Variants in TMEM70 observed in about 807,000 individuals in gnomAD.
TMEM70 encodes transmembrane protein 70.
TMEM70 carries 15 observed loss-of-function variants against 20.5 expected under a neutral mutation model. The observed-to-expected ratio is 0.73, with a 90% confidence interval of 0.49 to 1.13. TMEM70 has a LOEUF of 1.13. Ranked by LOEUF, TMEM70 falls within the 50% of genes most tolerant of loss-of-function variation. TMEM70 has a pLI of 0.00. For synonymous variants in TMEM70, 141 were observed against 134.2 expected, an observed-to-expected ratio of 1.05 and a Z score of -0.35; for missense variants, 344 against 331.7, an observed-to-expected ratio of 1.04 and a Z score of -0.29.
At chr8:73,977,601 T>G (rs1450879084) in intron 1 of TMEM70, among the ~76,000 whole-genome samples, 1 of 152,220 alleles carries the variant, frequency 6.6e-6, no homozygotes, top group African/African-American at 2.4e-5. Context: ...TTAGCAGTAT[T>G]TGTAAAAGGC....
intron 1 of TMEM70, among the ~76,000 whole-genome samples, chr8:73,977,887 A>G (rs954752333): frequency 3.3e-5 from 5 of 152,126 alleles, no homozygotes; most frequent in Non-Finnish European, 7.4e-5. Context: ...AACTGTTACT[A>G]TTTTTACTTG....
chr8:73,979,598 G>A (rs1260883160), intron 2 of TMEM70, among the ~76,000 whole-genome samples: 1 of 151,956 alleles, frequency 6.6e-6, no homozygotes, highest in Non-Finnish European at 1.5e-5. Flanking sequence ...CAGTTTAGAA[G>A]CCATTTTTTA....
In TMEM70 at chr8:73,981,525, T is replaced by C; in HGVS notation, c.687T>C (p.Arg229=). The change falls in exon 3 of 3, where the codon CGT becomes CGC. Residue 229 remains arginine (R), a synonymous_variant. Coordinates refer to ENST00000312184, the MANE Select transcript of TMEM70 (RefSeq NM_017866.6). Reference sequence around the variant, plus strand: ...TTAATCCAGTGCTCTTTCCAAACCGTGAAGACTATATCCATCTAATGGGTT... The same window carrying C: ...TTAATCCAGTGCTCTTTCCAAACCGCGAAGACTATATCCATCTAATGGGTT... The part of the protein sequence containing the change: ...LLVNPVLFPN[R]EDYIHLMGYD... The C allele has an allele frequency of 2.5e-6, 4 of 1,613,948 alleles. No homozygotes were observed. The highest frequency in any genetic ancestry group is 3.4e-6 in the Non-Finnish European group (4 of 1,179,890).
chr8:73,982,314 C>T lies in TMEM70; in HGVS notation c.*693C>T, dbSNP rs574729956. On this transcript the variant is annotated 3_prime_UTR_variant, in exon 3 of 3. Coordinates refer to ENST00000312184, the MANE Select transcript of TMEM70 (RefSeq NM_017866.6). The stretch of plus-strand genomic sequence containing the variant: ...CCTACCAAGACTTTGAGAATCACTA[C>T]AAGAAAAACTTACGGTGAAGGTTCT... 2.2e-4 allele frequency: 142 copies of T among 646,248 alleles called. 2 individuals are homozygous for T. In the East Asian group the frequency reaches 5.1e-3, roughly 23 times the overall value. The allele number at this position is 646,248 out of a possible 1,614,324, so 40.0% of individuals were successfully genotyped here.
intron 2 of TMEM70, among the ~76,000 whole-genome samples, chr8:73,979,384 T>A (rs555206151): frequency 1.3e-5 from 2 of 152,334 alleles, no homozygotes; most frequent in East Asian, 3.9e-4. Flanking sequence ...TTTATTTTTT[T>A]ATTTTTTGCT....
chr8:73,979,466 T>C (rs935077050), intron 2 of TMEM70, among the ~76,000 whole-genome samples: 2 of 152,230 alleles, frequency 1.3e-5, no homozygotes, highest in African/African-American at 4.8e-5. Context: ...AAACAGATGG[T>C]ATTTTTTATT....
At position 73,981,571 on chromosome 8, in the gene TMEM70, T is replaced by C; in HGVS notation, c.733T>C (p.Leu245=). 1 of 1,613,332 alleles carries C rather than the reference T, an allele frequency of 6.2e-7. No individual in the cohort carries two copies. The highest frequency in any genetic ancestry group is 8.5e-7 in the Non-Finnish European group (1 of 1,179,758). The change falls in exon 3 of 3, where the codon TTG becomes CTG. Residue 245 remains leucine, a synonymous_variant. Transcript: ENST00000312184. The part of the protein sequence containing the change: ...LMGYDKEEFI[L]YMEETSEEKR... ...GGGTTATGACAAAGAAGAATTTATT[T>C]TGTATATGGAAGAAACCAGTGAAGA...
Position 73,982,140 on chromosome 8 carries a change from A to G in TMEM70, c.*519A>G, listed in dbSNP as rs755373610. On this transcript the variant is annotated 3_prime_UTR_variant, in exon 3 of 3. Coordinates refer to ENST00000312184, the MANE Select transcript of TMEM70 (RefSeq NM_017866.6). ...TGCAGCAGCCATGGCTTTTAAACAT[A>G]CCAGAAAAACACCCGTGGAGTCAGA... The G allele has an allele frequency of 1.9e-6, 1 of 522,702 alleles. No individual in the cohort carries two copies. The highest frequency in any genetic ancestry group is 3.8e-6 in the Non-Finnish European group (1 of 263,274). The allele number at this position is 522,702 out of a possible 1,614,324, so 32.4% of individuals were successfully genotyped here.
rs1815813953 is a variant in TMEM70 at position 73,981,914 on chromosome 8, A to C, written c.*293A>C. 1.9e-6 allele frequency: 1 copy of C among 538,546 alleles called. No individual in the cohort carries two copies. Among genetic ancestry groups the C allele is most frequent in the Admixed American group, 2.2e-5 (1 of 44,978 alleles). 33.4% of individuals were successfully genotyped at this position (538,546 alleles called of 1,614,324 possible). The stretch of plus-strand genomic sequence containing the variant: ...AAACTGGGGATCTGATGTCAGTAGC[A>C]AATGGGAGAGTTGCTTTATTCTTTG... On this transcript the variant is annotated 3_prime_UTR_variant, in exon 3 of 3. Transcript: ENST00000312184.
chr8:73,978,997 T>G, intron 2 of TMEM70, 136 bp downstream of exon 2: 1 of 1,133,462 alleles, frequency 8.8e-7, no homozygotes, highest in Non-Finnish European at 1.3e-6. Context: ...TCATTTTTTT[T>G]TCTTGAGGTG....
At chr8:73,978,086 A>G (rs950230187) in intron 1 of TMEM70, among the ~76,000 whole-genome samples, 12 of 151,906 alleles carry the variant, frequency 7.9e-5, no homozygotes, top group Admixed American at 4.6e-4. Context: ...TTTTCATTAC[A>G]ATTTTATTTT....
chr8:73,979,515 T>C (rs28679775), intron 2 of TMEM70, among the ~76,000 whole-genome samples: 20 of 152,212 alleles, frequency 1.3e-4, no homozygotes, highest in African/African-American at 4.6e-4. Flanking sequence ...GTAAGGTAAA[T>C]TTACATTTTA....
intron 2 of TMEM70, among the ~76,000 whole-genome samples, chr8:73,980,671 C>A (rs368327998): frequency 6.6e-6 from 1 of 152,096 alleles, no homozygotes; most frequent in African/African-American, 2.4e-5. Context: ...CCTGGCCGTC[C>A]GATATGTTTT....
At position 73,982,416 on chromosome 8, in the gene TMEM70, T is replaced by A. The variant is rs769196264; in HGVS notation, c.*795T>A. The A allele has an allele frequency of 1.2e-6, 1 of 800,500 alleles. No homozygotes were observed. Among genetic ancestry groups the A allele is most frequent in the Non-Finnish European group, 2.1e-6 (1 of 473,416 alleles). 49.6% of individuals were successfully genotyped at this position (800,500 alleles called of 1,614,324 possible). A position where few individuals can be genotyped will look rare whatever the true frequency, so the allele number is the denominator to read the frequency against. Reference sequence around the variant, plus strand: ...CGCAGTCCTCAGATAGTTAAGCAGATTACTTCCATCAGTATTGAGCCAGGA... The same window carrying A: ...CGCAGTCCTCAGATAGTTAAGCAGAATACTTCCATCAGTATTGAGCCAGGA... On this transcript the variant is annotated 3_prime_UTR_variant, in exon 3 of 3. Transcript: ENST00000312184.
chr8:73,978,357 G>GAGCAAGACTCTGTCTCA, intron 1 of TMEM70, among the ~76,000 whole-genome samples: 3 of 150,540 alleles, frequency 2.0e-5, no homozygotes, highest in African/African-American at 7.3e-5. Context: ...AAAGTGCTGG[G>GAGCAAGACTCTGTCTCA]ATTACAGGCA....
At chr8:73,981,094 A>T in intron 2 of TMEM70, 61 bp from the exon 3 acceptor site, 1 of 1,375,750 alleles carries the variant, frequency 7.3e-7, no homozygotes, top group East Asian at 2.3e-5. Context: ...AATTAGTGGG[A>T]TAGATTGATT....
In TMEM70 at chr8:73,982,482, G is replaced by C. The variant is rs767088004; in HGVS notation, c.*861G>C. 19 of 709,532 alleles carry C rather than the reference G, an allele frequency of 2.7e-5. No individual in the cohort carries two copies. In the African/African-American group the frequency reaches 3.1e-4, roughly 12 times the overall value. 44.0% of individuals were successfully genotyped at this position (709,532 alleles called of 1,614,324 possible). ...ACCATTGCAAATGCTTAAGTCAACT[G>C]TTTTCATAAATTGATTACCAGTTGT... On this transcript the variant is annotated 3_prime_UTR_variant, in exon 3 of 3. Coordinates refer to ENST00000312184, the MANE Select transcript of TMEM70 (RefSeq NM_017866.6).
At position 73,976,465 on chromosome 8, in the gene TMEM70, C is replaced by T; in HGVS notation, c.184C>T (p.Leu62Phe). Residue 62 changes from leucine (L) to phenylalanine (F), a missense_variant, in exon 1 of 3, where the codon CTT becomes TTT. Physicochemically the swap from Leu to Phe is conservative, Grantham distance 22. Transcript: ENST00000312184. ...TACGGGGCCTTCGGGAGCCGCGCGC[C>T]TTCTCCGGCGTCCGGGTCGAGCGCA... ...WSTGPSGAARLLRRPGRAQIP... is the reference protein window; with the variant it reads ...WSTGPSGAARFLRRPGRAQIP... The T allele has an allele frequency of 1.3e-6, 2 of 1,546,856 alleles. No homozygotes were observed. The highest frequency in any genetic ancestry group is 8.7e-7 in the Non-Finnish European group (1 of 1,152,648).
In TMEM70 at chr8:73,982,118, A is replaced by G. The variant is rs1815821758; in HGVS notation, c.*497A>G. The G allele has an allele frequency of 2.0e-6, 1 of 497,674 alleles. No homozygotes were observed. The highest frequency in any genetic ancestry group is 4.0e-6 in the Non-Finnish European group (1 of 249,236). 30.8% of individuals were successfully genotyped at this position (497,674 alleles called of 1,614,324 possible). A position where few individuals can be genotyped will look rare whatever the true frequency, so the allele number is the denominator to read the frequency against. On this transcript the variant is annotated 3_prime_UTR_variant, in exon 3 of 3. Transcript: ENST00000312184. ...CAGGAAGCTGGCTAGGAAGCCTTGC[A>G]GCAGCCATGGCTTTTAAACATACCA...
Sources: allele counts gnomAD v4.1 joint callset (sites outside exome capture counted in the v4.1 genomes callset), GRCh38; gene constraint gnomAD v4.1.1; transcripts MANE v1.5; gene names NCBI Gene and HGNC (gene_info 2026-07-23, HGNC 2026-07-21).